REV3L: variants seen among roughly 807,000 people sequenced by gnomAD.
The protein encoded by REV3L is DNA polymerase zeta catalytic subunit.
A neutral mutation model predicts 299.4 loss-of-function variants in REV3L; 69 were observed. The observed-to-expected ratio is 0.23, with a 90% CI of 0.19 to 0.28. REV3L has a LOEUF of 0.28. REV3L is among the 10% of genes least tolerant of loss of function. The pLI, the probability that REV3L is intolerant of heterozygous loss-of-function variation, is 1.00. For missense variants in REV3L, 3,128 were observed against 3,693.8 expected (o/e 0.85, Z 3.97); for synonymous variants, 1,238 against 1,271.4 (o/e 0.97, Z 0.56).
rs755395530 is a variant in REV3L at position 111,373,877 on chromosome 6, G to A, written c.4478C>T (p.Pro1493Leu). ...TGAAATTGCTTCTGATAACGACCTC[G>A]GTTTTACTCTTTCAGGTTTAAAATT... ...MSNFKPERVK[P>L]RSLSEAISQT... Residue 1493 changes from proline (P) to leucine (L), a missense_variant, in exon 13 of 32, where the codon CCG (proline) becomes CTG (leucine). Physicochemically the swap from Pro to Leu is moderately conservative, Grantham distance 98. Transcript: ENST00000368802. 9.3e-6 allele frequency: 15 copies of A among 1,613,720 alleles called. No individual in the cohort carries two copies. Among genetic ancestry groups the A allele is most frequent in the African/African-American group, 4.0e-5 (3 of 74,850 alleles).
intron 26 of REV3L, among the ~76,000 whole-genome samples, chr6:111,319,892 C>T (rs937602795): frequency 2.6e-5 from 4 of 151,136 alleles, no homozygotes; most frequent in South Asian, 2.1e-4. Context: ...TGCAGTGGCG[C>T]GATTTTGGCT....
chr6:111,374,958 C>G lies in REV3L; in HGVS notation c.3397G>C (p.Asp1133His), dbSNP rs1708516952. 1 of 1,612,192 alleles carries G rather than the reference C, an allele frequency of 6.2e-7. No individual in the cohort carries two copies. The highest frequency in any genetic ancestry group is 8.5e-7 in the Non-Finnish European group (1 of 1,179,468). Reference protein sequence around the residue: ...SSPPRCWSPTDPRAEEIMAAA... With the variant: ...SSPPRCWSPTHPRAEEIMAAA... ...GCCATGATTTCTTCAGCTCTTGGATCTGTGGGAGACCAGCAGCGAGGTGGA... is the reference window on the plus strand; with the variant it reads ...GCCATGATTTCTTCAGCTCTTGGATGTGTGGGAGACCAGCAGCGAGGTGGA... The change falls in exon 13 of 32, where the codon GAT becomes CAT. Residue 1133 changes from aspartate to histidine, a missense_variant. Asp to His is a moderately conservative substitution (Grantham distance 81). This residue lies in a region of REV3L where 2,409 missense variants were observed against 2,611.8 expected (regional missense o/e 0.92). Transcript: ENST00000368802.
chr6:111,352,508 T>C (rs769002367), intron 18 of REV3L, among the ~76,000 whole-genome samples: 13 of 152,078 alleles, frequency 8.5e-5, no homozygotes, highest in Non-Finnish European at 1.5e-4. Flanking sequence ...CCCTAGGTCA[T>C]TGTGTTGCCA....
At chr6:111,393,204 T>C (rs1260713220) in intron 4 of REV3L, among the ~76,000 whole-genome samples, 1 of 152,116 alleles carries the variant, frequency 6.6e-6, no homozygotes, top group African/African-American at 2.4e-5. Context: ...GTATTTTTAG[T>C]AGAGACTGGG....
chr6:111,434,664 C>CA (rs1418520197), intron 1 of REV3L, among the ~76,000 whole-genome samples: 1 of 146,224 alleles, frequency 6.8e-6, no homozygotes, highest in African/African-American at 2.5e-5. Flanking sequence ...TTGTAGGATA[C>CA]AAAATCAACA....
intron 1 of REV3L, among the ~76,000 whole-genome samples, chr6:111,445,089 T>C (rs1407681913): frequency 6.6e-6 from 1 of 152,258 alleles, no homozygotes; most frequent in African/African-American, 2.4e-5. Context: ...GCTCTCGGCA[T>C]GTGGCCAACT....
Position 111,357,126 on chromosome 6 carries a change from C to G in REV3L, c.7073-1G>C. 7.0e-7 allele frequency: 1 copy of G among 1,430,780 alleles called. No homozygotes were observed. Among genetic ancestry groups the G allele is most frequent in the Non-Finnish European group, 9.5e-7 (1 of 1,048,764 alleles). 88.6% of individuals were successfully genotyped at this position (1,430,780 alleles called of 1,614,324 possible). On this transcript the variant is annotated splice_acceptor_variant, in intron 17 of 31. Transcript: ENST00000368802. LOFTEE classifies it high-confidence loss of function. ...AGTAATGGAGTCTGATATCTGATAT[C>G]TAAAAAACAAACAAAATGTCTATTA...
Position 111,483,101 on chromosome 6 carries a change from A to C in REV3L, c.-213T>G. On this transcript the variant is annotated 5_prime_UTR_variant, in exon 1 of 32. Transcript: ENST00000368802. Reference sequence around the variant, plus strand: ...GGAGCACCCGGCAAGGGGCCGCAGGAGAGAAGCCCTCGAGCTTTCGTCGGT... The same window carrying C: ...GGAGCACCCGGCAAGGGGCCGCAGGCGAGAAGCCCTCGAGCTTTCGTCGGT... The C allele has an allele frequency of 1.9e-6, 1 of 534,238 alleles. No individual in the cohort carries two copies. Among genetic ancestry groups the C allele is most frequent in the Non-Finnish European group, 3.1e-6 (1 of 322,722 alleles). The allele number at this position is 534,238 out of a possible 1,614,324, so 33.1% of individuals were successfully genotyped here. A position where few individuals can be genotyped will look rare whatever the true frequency, so the allele number is the denominator to read the frequency against.
chr6:111,374,038 A>T lies in REV3L; in HGVS notation c.4317T>A (p.Ser1439Arg), dbSNP rs749436530. The change falls in exon 13 of 32, where the codon AGT (serine) becomes AGA (arginine). Residue 1439 changes from serine to arginine, a missense_variant. This residue lies in a region of REV3L where 2,409 missense variants were observed against 2,611.8 expected (regional missense o/e 0.92). Coordinates refer to ENST00000368802, the MANE Select transcript of REV3L (RefSeq NM_001372078.1). ...CTGTATTTCCCGGAGAACAAGTTTC[A>T]CTGTGCTTTGACTGTTCCGCTATGC... is the stretch of plus-strand genomic sequence containing the variant. ...IVCIAEQSKH[S>R]ETCSPGNTAS... 1 of 1,614,144 alleles carries T rather than the reference A, an allele frequency of 6.2e-7. No homozygotes were observed. The highest frequency in any genetic ancestry group is 8.5e-7 in the Non-Finnish European group (1 of 1,179,986).
intron 4 of REV3L, among the ~76,000 whole-genome samples, chr6:111,397,828 G>A (rs1299973986): frequency 6.6e-6 from 1 of 151,890 alleles, no homozygotes; most frequent in Non-Finnish European, 1.5e-5. Context: ...GTAAAGATGA[G>A]ATCTCACTAT....
At chr6:111,389,236 C>T (rs1781654715) in intron 6 of REV3L, 26 bp from the exon 7 acceptor site, 3 of 1,526,424 alleles carry the variant, frequency 2.0e-6, no homozygotes, top group African/African-American at 2.8e-5. Context: ...TACTTCAATA[C>T]TACAGGGTCA....
chr6:111,472,246 C>A (rs1792309669), intron 1 of REV3L: 6 of 514,722 alleles, frequency 1.2e-5, no homozygotes, highest in Non-Finnish European at 1.7e-5. Context: ...TTCTTATTTA[C>A]AAAGTCTTTC....
intron 1 of REV3L, chr6:111,431,432 T>C (rs1056877239): frequency 9.8e-7 from 1 of 1,022,414 alleles, no homozygotes; most frequent in Admixed American, 1.7e-5. Context: ...TTTTTGATTC[T>C]GAGGAAGCTG....
At chr6:111,440,160 G>A (rs1472727872) in intron 1 of REV3L, among the ~76,000 whole-genome samples, 2 of 152,056 alleles carry the variant, frequency 1.3e-5, no homozygotes, top group South Asian at 2.1e-4. Flanking sequence ...ACCGCCTCCG[G>A]GGTTCAAGTG....
intron 17 of REV3L, 80 bp from the exon 18 acceptor site, chr6:111,357,205 C>G (rs888610728): frequency 5.5e-5 from 25 of 457,388 alleles, no homozygotes; most frequent in Admixed American, 9.1e-5. Flanking sequence ...ATATTATCCT[C>G]TACTTTTAAG....
intron 1 of REV3L, among the ~76,000 whole-genome samples, chr6:111,477,696 C>T (rs1793103526): frequency 6.6e-6 from 1 of 152,162 alleles, no homozygotes; most frequent in Non-Finnish European, 1.5e-5. Flanking sequence ...CAGATGCCAC[C>T]ATATAAGACA....
intron 4 of REV3L, among the ~76,000 whole-genome samples, chr6:111,404,931 G>A (rs1415074992): frequency 2.0e-5 from 3 of 151,948 alleles, no homozygotes; most frequent in Non-Finnish European, 4.4e-5. Context: ...TGGCTCAAGG[G>A]ACTTAGGAAT....
At chr6:111,366,200 G>T (rs989179737) in intron 14 of REV3L, among the ~76,000 whole-genome samples, 5 of 152,130 alleles carry the variant, frequency 3.3e-5, no homozygotes, top group Non-Finnish European at 7.4e-5. Flanking sequence ...GTGTGTTGGG[G>T]AAGTGGTGGT....
intron 13 of REV3L, among the ~76,000 whole-genome samples, chr6:111,369,926 T>C (rs915586245): frequency 6.6e-6 from 1 of 151,940 alleles, no homozygotes; most frequent in Non-Finnish European, 1.5e-5. Flanking sequence ...AACCTCTGAC[T>C]CCCTGGTTCA....
Sources: allele counts gnomAD v4.1 joint callset (sites outside exome capture counted in the v4.1 genomes callset), GRCh38; gene constraint gnomAD v4.1.1; regional missense constraint gnomAD v4.1.1; transcripts MANE v1.5; gene names NCBI Gene and HGNC (gene_info 2026-07-23, HGNC 2026-07-21).